Variants in ADAMTS2 observed in about 807,000 individuals in gnomAD.
The protein encoded by ADAMTS2 is ADAM metallopeptidase with thrombospondin type 1 motif 2.
Under a neutral mutation model 123.0 loss-of-function variants are expected in ADAMTS2, and 50 were observed. That is an observed-to-expected ratio of 0.41 (90% CI 0.32 to 0.51). The LOEUF (loss-of-function observed/expected upper bound fraction) is 0.51. Ranked by LOEUF, ADAMTS2 falls within the 20% of genes least tolerant of loss-of-function variation. The probability of loss-of-function intolerance (pLI) is 0.35; values close to 1 mark genes in which losing one functional copy is unlikely to be tolerated. For missense variants in ADAMTS2, 1,494 were observed against 1,705.2 expected (o/e 0.88, Z 2.18); for synonymous variants, 678 against 695.4 (o/e 0.98, Z 0.39).
chr5:179,287,674 C>T (rs1200183136), intron 2 of ADAMTS2, among the ~76,000 whole-genome samples: 1 of 152,232 alleles, frequency 6.6e-6, no homozygotes, highest in Non-Finnish European at 1.5e-5. Context: ...CAGCTCAGCC[C>T]GGAGAGCAGG....
Position 179,121,732 on chromosome 5 carries a change from G to C in ADAMTS2, c.3107C>G (p.Ser1036Cys), listed in dbSNP as rs779277426. Residue 1036 changes from serine to cysteine, a missense_variant, in exon 21 of 22, where the codon TCC becomes TGC. This residue lies in a region of ADAMTS2 where 953 missense variants were observed against 1,124.7 expected (regional missense o/e 0.85). Transcript: ENST00000251582. Reference protein sequence around the residue: ...GPCPRNISDPSKKSYVVQWLS... With the variant: ...GPCPRNISDPCKKSYVVQWLS... ...CCACTGAACTACGTAGCTCTTCTTG[G>C]AGGGATCTGAGATGTTTCCTAGAGG... 1 of 1,585,638 alleles carries C rather than the reference G, an allele frequency of 6.3e-7. No individual in the cohort carries two copies. Among genetic ancestry groups the C allele is most frequent in the South Asian group, 1.2e-5 (1 of 86,360 alleles).
rs1343833727 is a variant in ADAMTS2, at chr5:179,132,990, C to T, written c.2086-90G>A. 1.3e-6 allele frequency: 2 copies of T among 1,526,960 alleles called. No homozygotes were observed. Among genetic ancestry groups the T allele is most frequent in the South Asian group, 1.2e-5 (1 of 84,314 alleles). 94.6% of individuals were successfully genotyped at this position (1,526,960 alleles called of 1,614,324 possible). A position where few individuals can be genotyped will look rare whatever the true frequency, so the allele number is the denominator to read the frequency against. On this transcript the variant is annotated intron_variant, in intron 13 of 21. Transcript: ENST00000251582. The surrounding 1 kb of genome is among the most constrained non-coding windows in gnomAD (Gnocchi z 6.1). ...TTGCCCCCAGTCTCGAACACCTGGC[C>T]TCAAGCGATCCTCCTGCCTTGGCCT...
At chr5:179,192,795 G>C (rs931894360) in intron 4 of ADAMTS2, among the ~76,000 whole-genome samples, 3 of 152,176 alleles carry the variant, frequency 2.0e-5, no homozygotes, top group African/African-American at 7.2e-5. Context: ...GTCCCATCCT[G>C]GTAACTTCCT....
intron 4 of ADAMTS2, among the ~76,000 whole-genome samples, chr5:179,193,815 C>T (rs896451130): frequency 6.6e-6 from 1 of 152,344 alleles, no homozygotes; most frequent in East Asian, 1.9e-4. Flanking sequence ...CTGAGACACA[C>T]CACCAAGGAG....
rs1561731299 is a variant in ADAMTS2, at chr5:179,314,745, GCTC to G, written c.534+29019_534+29021del. Among the ~76,000 whole-genome samples the G allele has an allele frequency of 6.6e-6, 1 of 152,120 alleles. No individual in the cohort carries two copies. The highest frequency in any genetic ancestry group is 1.5e-5 in the Non-Finnish European group (1 of 68,020). ...TGTAGCCTTCCTGCACCCAGGTGGG[GCTC>G]CTGTCCCCCGCCAGTGCCCCCAACC... On this transcript the variant is annotated intron_variant, in intron 2 of 21. Coordinates refer to ENST00000251582, the MANE Select transcript of ADAMTS2 (RefSeq NM_014244.5). The surrounding 1 kb of genome is among the most constrained non-coding windows in gnomAD (Gnocchi z 4.5).
In ADAMTS2 at chr5:179,135,048, G is replaced by A. The variant is rs182700707; in HGVS notation, c.2085+861C>T. 2.6e-4 allele frequency among the ~76,000 whole-genome samples: 13 copies of A among 50,924 alleles called. 1 individual carries two copies. The highest frequency in any genetic ancestry group is 1.6e-3 in the Admixed American group (7 of 4,494). 33.4% of individuals were successfully genotyped at this position (50,924 alleles called of 152,430 possible). A position where few individuals can be genotyped will look rare whatever the true frequency, so the allele number is the denominator to read the frequency against. ...GCTCCAGCTCCAGCCCCCAGCTCCC[G>A]GCTCCAGCTCCCAGCTCCCGGGTCC... On this transcript the variant is annotated intron_variant, in intron 13 of 21. Transcript: ENST00000251582.
chr5:179,135,888 T>C (rs1763058439), intron 13 of ADAMTS2, 21 bp downstream of exon 13: 1 of 1,612,556 alleles, frequency 6.2e-7, no homozygotes, highest in South Asian at 1.1e-5. Context: ...TAGCCCCCCG[T>C]GCCGGCCTCT....
rs1197404994 is a variant in ADAMTS2, at chr5:179,189,442, G to A, written c.892-8287C>T. Among the ~76,000 whole-genome samples, 1 of 150,482 alleles carries A rather than the reference G, an allele frequency of 6.6e-6. No homozygotes were observed. The highest frequency in any genetic ancestry group is 1.5e-5 in the Non-Finnish European group (1 of 67,840). Reference sequence around the variant, plus strand: ...AGCTCACTGCCAGCTCCACCTCCCAGGTTCATGCCATTCTCTTGCCTCAGC... The same window carrying A: ...AGCTCACTGCCAGCTCCACCTCCCAAGTTCATGCCATTCTCTTGCCTCAGC... On this transcript the variant is annotated intron_variant, in intron 4 of 21. Coordinates refer to ENST00000251582, the MANE Select transcript of ADAMTS2 (RefSeq NM_014244.5). This position sits in a 1 kb window ranked among gnomAD's most constrained non-coding sequence, Gnocchi z 4.2.
At chr5:179,341,798 G>A (rs1047975170) in intron 2 of ADAMTS2, among the ~76,000 whole-genome samples, 11 of 151,746 alleles carry the variant, frequency 7.2e-5, no homozygotes, top group African/African-American at 2.4e-4. Flanking sequence ...ATTCAATGCC[G>A]CTCAGGCAGG....
At position 179,232,273 on chromosome 5, in the gene ADAMTS2, G is replaced by A. The variant is rs116720269; in HGVS notation, c.689-24558C>T. The stretch of plus-strand genomic sequence containing the variant: ...ATCTCCGACTATGCCCAAGTGCGGC[G>A]CCATGGAAGCCACACGGGATCCCTG... On this transcript the variant is annotated intron_variant, in intron 3 of 21. Transcript: ENST00000251582. Among the ~76,000 whole-genome samples the A allele has an allele frequency of 6.4e-3, 980 of 152,296 alleles. 4 individuals carry two copies. The highest frequency in any genetic ancestry group is 8.7e-3 in the Non-Finnish European group (595 of 68,026).
At chr5:179,278,370 C>G (rs1766802378) in intron 2 of ADAMTS2, among the ~76,000 whole-genome samples, 1 of 152,070 alleles carries the variant, frequency 6.6e-6, no homozygotes, top group Non-Finnish European at 1.5e-5. Context: ...GAGAGCAAAG[C>G]ACAAAATGTG....
intron 3 of ADAMTS2, among the ~76,000 whole-genome samples, chr5:179,241,024 T>C (rs1431635982): frequency 1.3e-5 from 2 of 152,218 alleles, no homozygotes; most frequent in East Asian, 1.9e-4. Context: ...GAGAGTTTAA[T>C]GGCAGGAGTG....
In ADAMTS2 at chr5:179,256,258, C is replaced by T. The variant is rs540900193; in HGVS notation, c.688+16653G>A. On this transcript the variant is annotated intron_variant, in intron 3 of 21. Transcript: ENST00000251582. This position sits in a 1 kb window ranked among gnomAD's most constrained non-coding sequence, Gnocchi z 4.1. ...GGTCCCAAGTTGTCATCTTGTGACC[C>T]GCCCCTGGGGACACGGGTGCCCAAC... 1.6e-4 allele frequency among the ~76,000 whole-genome samples: 24 copies of T among 152,232 alleles called. No homozygotes were observed. In the South Asian group the frequency reaches 3.9e-3, roughly 25 times the overall value.
At position 179,228,974 on chromosome 5, in the gene ADAMTS2, A is replaced by T. The variant is rs2113424012; in HGVS notation, c.689-21259T>A. 6.6e-6 allele frequency among the ~76,000 whole-genome samples: 1 copy of T among 152,266 alleles called. No individual in the cohort carries two copies. Among genetic ancestry groups the T allele is most frequent in the East Asian group, 1.9e-4 (1 of 5,182 alleles). On this transcript the variant is annotated intron_variant, in intron 3 of 21. Transcript: ENST00000251582. This position sits in a 1 kb window ranked among gnomAD's most constrained non-coding sequence, Gnocchi z 5.2. ...CTGTGCTTGAGAGGTGACAGCCAGC[A>T]CGTGAGCAAGTGCCCTGGGTTCTGG...
intron 13 of ADAMTS2, among the ~76,000 whole-genome samples, chr5:179,133,562 G>T (rs891641361): frequency 6.6e-6 from 1 of 150,860 alleles, no homozygotes; most frequent in Non-Finnish European, 1.5e-5. Context: ...GAGCCACCGC[G>T]CCCGGCCAAG....
chr5:179,319,444 CCA>C (rs1027030755), intron 2 of ADAMTS2, among the ~76,000 whole-genome samples: 4 of 152,006 alleles, frequency 2.6e-5, no homozygotes, highest in African/African-American at 4.8e-5. Flanking sequence ...ATGCACACGC[CCA>C]CACATGTGCA....
intron 2 of ADAMTS2, among the ~76,000 whole-genome samples, chr5:179,311,899 C>T (rs62395030): frequency 0.037 from 5,565 of 152,308 alleles, 139 homozygotes; most frequent in South Asian, 0.074. Flanking sequence ...CGCCTTACCG[C>T]GCTTTAACAA....
intron 4 of ADAMTS2, among the ~76,000 whole-genome samples, chr5:179,200,228 G>A (rs1024524640): frequency 7.2e-4 from 106 of 146,384 alleles, no homozygotes; most frequent in Admixed American, 3.8e-3. Flanking sequence ...CTATCTCCCC[G>A]CCACACCTTT....
In ADAMTS2 at chr5:179,272,953, G is replaced by C. The variant is rs773905105; in HGVS notation, c.646C>G (p.Pro216Ala). 1.2e-6 allele frequency: 2 copies of C among 1,612,238 alleles called. No homozygotes were observed. The highest frequency in any genetic ancestry group is 1.7e-6 in the Non-Finnish European group (2 of 1,179,988). ...GGCCCCCCGAGAGGAGGGGACGTGG[G>C]TGGCCGGCGATACACCACATGCACA... ...GRVHVVYRRP[P>A]TSPPLGGPQA... The change falls in exon 3 of 22, where the codon CCC (proline) becomes GCC (alanine). Residue 216 changes from proline to alanine, a missense_variant. Physicochemically the swap from Pro to Ala is conservative, Grantham distance 27. Transcript: ENST00000251582. This position sits in a 1 kb window ranked among gnomAD's most constrained non-coding sequence, Gnocchi z 5.8.
Sources: allele counts gnomAD v4.1 joint callset (sites outside exome capture counted in the v4.1 genomes callset), GRCh38; gene constraint gnomAD v4.1.1; regional missense constraint gnomAD v4.1.1; non-coding constraint Gnocchi (gnomAD v3.1); transcripts MANE v1.5; gene names NCBI Gene and HGNC (gene_info 2026-07-23, HGNC 2026-07-21).